Variants in CD59 observed in about 807,000 individuals in gnomAD.
The protein encoded by CD59 is CD59 molecule (CD59 blood group).
Under a neutral mutation model 7.0 loss-of-function variants are expected in CD59, and 3 were observed. The ratio of observed to expected loss-of-function variants is 0.43; its 90% CI spans 0.19 to 1.10. The LOEUF is 1.10. Among genes scored for constraint, CD59 ranks in the 50% least tolerant of loss-of-function variants. The probability of loss-of-function intolerance (pLI) is 0.29; values close to 1 mark genes in which losing one functional copy is unlikely to be tolerated. For missense variants in CD59, 143 were observed against 151.0 expected (o/e 0.95, Z 0.28); for synonymous variants, 60 against 62.0 (o/e 0.97, Z 0.15).
intron 3 of CD59, among the ~76,000 whole-genome samples, chr11:33,716,115 G>A (rs776930721): frequency 6.6e-6 from 1 of 152,140 alleles, no homozygotes; most frequent in Non-Finnish European, 1.5e-5. Flanking sequence ...GGGGGCAGAG[G>A]GACTGGTGCC....
Position 33,706,404 on chromosome 11 carries a change from G to A in CD59, c.*3722C>T, listed in dbSNP as rs1293972812. ...GGGGGTAAATGCATTGTGATTCACT[G>A]TAGGTTTTAGACTCTTACAGCCTTA... On this transcript the variant is annotated 3_prime_UTR_variant, in exon 4 of 4. Coordinates refer to ENST00000642928, the MANE Select transcript of CD59 (RefSeq NM_000611.6). The A allele has an allele frequency of 6.6e-6, 1 of 152,030 alleles. No homozygotes were observed. Among genetic ancestry groups the A allele is most frequent in the Non-Finnish European group, 1.5e-5 (1 of 67,986 alleles). The allele number at this position is 152,030 out of a possible 1,614,324, so 9.4% of individuals were successfully genotyped here. A position where few individuals can be genotyped will look rare whatever the true frequency, so the allele number is the denominator to read the frequency against.
chr11:33,733,307 T>C (rs1590548773), intron 1 of CD59, among the ~76,000 whole-genome samples: 1 of 152,120 alleles, frequency 6.6e-6, no homozygotes, highest in Non-Finnish European at 1.5e-5. Context: ...TTTGTGGTGG[T>C]TTCAGCAGCA....
intron 1 of CD59, among the ~76,000 whole-genome samples, chr11:33,728,714 T>C (rs1010655172): frequency 1.3e-5 from 2 of 152,166 alleles, no homozygotes; most frequent in East Asian, 3.8e-4. Context: ...CAAAAGAAAC[T>C]GTCAGCAGAG....
intron 1 of CD59, among the ~76,000 whole-genome samples, chr11:33,732,436 T>C (rs1211923891): frequency 6.6e-6 from 1 of 152,108 alleles, no homozygotes; most frequent in Non-Finnish European, 1.5e-5. Flanking sequence ...CTTCCCCTTC[T>C]CCACCATGAT....
At chr11:33,730,748 T>A (rs535262465) in intron 1 of CD59, among the ~76,000 whole-genome samples, 1 of 152,284 alleles carries the variant, frequency 6.6e-6, no homozygotes, top group South Asian at 2.1e-4. Flanking sequence ...AGCGCAATAG[T>A]GTAAAACTTG....
chr11:33,721,928 TG>T (rs1287057959), intron 2 of CD59, among the ~76,000 whole-genome samples: 2 of 152,214 alleles, frequency 1.3e-5, no homozygotes, highest in African/African-American at 4.8e-5. Context: ...GGCACATAAA[TG>T]CTTCAGGGTT....
At chr11:33,714,460 T>G (rs1433630781) in intron 3 of CD59, among the ~76,000 whole-genome samples, 1 of 152,248 alleles carries the variant, frequency 6.6e-6, no homozygotes, top group African/African-American at 2.4e-5. Flanking sequence ...AGTCAGTGAA[T>G]GAGTGGTGGG....
intron 1 of CD59, among the ~76,000 whole-genome samples, chr11:33,734,170 G>A (rs552493212): frequency 1.3e-5 from 2 of 152,262 alleles, no homozygotes; most frequent in East Asian, 3.9e-4. Context: ...CTGTTGAAGC[G>A]CCCAGACAAA....
intron 1 of CD59, among the ~76,000 whole-genome samples, chr11:33,727,918 C>T (rs1015946739): frequency 6.6e-6 from 1 of 152,236 alleles, no homozygotes; most frequent in East Asian, 1.9e-4. Flanking sequence ...CTCCCATTCA[C>T]AATTGCTATA....
intron 2 of CD59, chr11:33,719,124 T>C (rs764690336): frequency 1.3e-5 from 2 of 152,204 alleles, no homozygotes; most frequent in Non-Finnish European, 2.9e-5. Flanking sequence ...GCTAGGTTTA[T>C]CACCATGGAA....
At chr11:33,733,780 T>G (rs1325600121) in intron 1 of CD59, among the ~76,000 whole-genome samples, 1 of 152,154 alleles carries the variant, frequency 6.6e-6, no homozygotes, top group Non-Finnish European at 1.5e-5. Flanking sequence ...TGAAATACAT[T>G]AGTTAAGCTG....
intron 1 of CD59, among the ~76,000 whole-genome samples, chr11:33,724,158 C>T (rs57867058): frequency 0.02 from 3,112 of 152,220 alleles, 121 homozygotes; most frequent in African/African-American, 0.072. Context: ...GGCATCCCCA[C>T]GGAAGGAGGA....
intron 2 of CD59, among the ~76,000 whole-genome samples, chr11:33,720,234 C>CTAAG (rs1405897643): frequency 1.3e-5 from 2 of 152,198 alleles, no homozygotes; most frequent in Non-Finnish European, 2.9e-5. Context: ...AAAACTAAGA[C>CTAAG]TAAGATGTTA....
intron 3 of CD59, among the ~76,000 whole-genome samples, chr11:33,713,995 C>A (rs1853675191): frequency 6.6e-6 from 1 of 152,196 alleles, no homozygotes; most frequent in Admixed American, 6.5e-5. Flanking sequence ...TTGTTCAGAA[C>A]GTCATTACAG....
At chr11:33,731,965 TC>T (rs1037966737) in intron 1 of CD59, among the ~76,000 whole-genome samples, 1 of 150,552 alleles carries the variant, frequency 6.6e-6, no homozygotes, top group Non-Finnish European at 1.5e-5. Context: ...GGGGACGGTT[TC>T]CCCCATACTG....
At position 33,708,865 on chromosome 11, in the gene CD59, G is replaced by A. The variant is rs577003478; in HGVS notation, c.*1261C>T. ...CAGAAAAGCATCATTCATTGCACTCGGTTTGTCCAACAGAGTATAATCAAG... is the reference window on the plus strand; with the variant it reads ...CAGAAAAGCATCATTCATTGCACTCAGTTTGTCCAACAGAGTATAATCAAG... On this transcript the variant is annotated 3_prime_UTR_variant, in exon 4 of 4. Transcript: ENST00000642928. The A allele has an allele frequency of 6.6e-5, 10 of 152,000 alleles. No individual in the cohort carries two copies. The highest frequency in any genetic ancestry group is 1.7e-4 in the African/African-American group (7 of 41,460). 9.4% of individuals were successfully genotyped at this position (152,000 alleles called of 1,614,324 possible).
chr11:33,711,869 A>C (rs1424098519), intron 3 of CD59, among the ~76,000 whole-genome samples: 2 of 152,238 alleles, frequency 1.3e-5, no homozygotes, highest in Non-Finnish European at 2.9e-5. Flanking sequence ...CAAATGTTGC[A>C]AGGAAGTGGA....
intron 1 of CD59, chr11:33,733,733 A>G (rs1854483632): frequency 6.6e-6 from 1 of 152,236 alleles, no homozygotes; most frequent in African/African-American, 2.4e-5. Flanking sequence ...GTTAAACTCT[A>G]GTGGGGAGAC....
At chr11:33,729,273 T>C (rs1038723120) in intron 1 of CD59, among the ~76,000 whole-genome samples, 3 of 152,168 alleles carry the variant, frequency 2.0e-5, no homozygotes, top group Non-Finnish European at 4.4e-5. Context: ...CCATCAATGA[T>C]AGACTGGATA....
Sources: allele counts gnomAD v4.1 joint callset (sites outside exome capture counted in the v4.1 genomes callset), GRCh38; gene constraint gnomAD v4.1.1; transcripts MANE v1.5; gene names NCBI Gene and HGNC (gene_info 2026-07-23, HGNC 2026-07-21).